Variants in CNTN2 observed in about 807,000 individuals in gnomAD.
The protein encoded by CNTN2 is contactin 2, also known as contactin-2.
CNTN2 carries 53 observed loss-of-function variants against 117.5 expected under a neutral mutation model. The observed-to-expected ratio is 0.45, with a 90% CI of 0.36 to 0.57. The LOEUF (loss-of-function observed/expected upper bound fraction) is 0.57, where lower values mean the gene tolerates loss of function less well. Ranked by LOEUF, CNTN2 falls within the 20% of genes least tolerant of loss-of-function variation. CNTN2 has a pLI of 0.00. For synonymous variants in CNTN2, 530 were observed against 561.7 expected (o/e 0.94, Z 0.80); for missense variants, 1,106 against 1,404.3 (o/e 0.79, Z 3.39).
chr1:205,059,478 C>T lies in CNTN2; in HGVS notation c.698-105C>T, dbSNP rs1209664912. 1 of 1,263,526 alleles carries T rather than the reference C, an allele frequency of 7.9e-7. No individual in the cohort carries two copies. Among genetic ancestry groups the T allele is most frequent in the Non-Finnish European group, 1.1e-6 (1 of 872,156 alleles). The allele number at this position is 1,263,526 out of a possible 1,614,324, so 78.3% of individuals were successfully genotyped here. ...CCCCAGGCCTCAAGGAGATTCCACA[C>T]AGCTGCCTAGACAGAGTTGGCTCTG... is the stretch of plus-strand genomic sequence containing the variant. On this transcript the variant is annotated intron_variant, in intron 6 of 22. Coordinates refer to ENST00000331830, the MANE Select transcript of CNTN2 (RefSeq NM_005076.5). The surrounding 1 kb of genome is among the most constrained non-coding windows in gnomAD (Gnocchi z 5.6).
intron 7 of CNTN2, chr1:205,060,989 G>C (rs1383784855): frequency 6.6e-6 from 3 of 455,682 alleles, no homozygotes; most frequent in African/African-American, 4.0e-5. Flanking sequence ...CCCCGCAGAA[G>C]CCCGGCTTCA....
chr1:205,051,129 C>G lies in CNTN2; in HGVS notation c.-86-1971C>G, dbSNP rs148330895. ...CTGGAGGCATATAATCACAGTTGTT[C>G]TTGACCAGTTAAATGCAACATACAA... is the stretch of plus-strand genomic sequence containing the variant. On this transcript the variant is annotated intron_variant, in intron 1 of 22. Coordinates refer to ENST00000331830, the MANE Select transcript of CNTN2 (RefSeq NM_005076.5). Among the ~76,000 whole-genome samples the G allele has an allele frequency of 4.3e-4, 66 of 152,340 alleles. 1 individual carries two copies. The East Asian group carries it at 0.012, about 28-fold the overall frequency.
chr1:205,066,290 C>A, intron 14 of CNTN2, 151 bp from the exon 15 acceptor site: 2 of 897,228 alleles, frequency 2.2e-6, no homozygotes, highest in Non-Finnish European at 3.3e-6. Flanking sequence ...TGCCCACACC[C>A]CTTGCCCGCC....
At position 205,059,001 on chromosome 1, in the gene CNTN2, C is replaced by A; in HGVS notation, c.488-83C>A. The A allele has an allele frequency of 7.9e-7, 1 of 1,264,072 alleles. No homozygotes were observed. Among genetic ancestry groups the A allele is most frequent in the Non-Finnish European group, 1.1e-6 (1 of 881,010 alleles). The allele number at this position is 1,264,072 out of a possible 1,614,324, so 78.3% of individuals were successfully genotyped here. Reference sequence around the variant, plus strand: ...GGCTGTCAGGACAGGGCTTGCAGAACCGCACCAGCATGCTGGGGTCCCACC... The same window carrying A: ...GGCTGTCAGGACAGGGCTTGCAGAAACGCACCAGCATGCTGGGGTCCCACC... On this transcript the variant is annotated intron_variant, in intron 5 of 22. Coordinates refer to ENST00000331830, the MANE Select transcript of CNTN2 (RefSeq NM_005076.5). The surrounding 1 kb of genome is among the most constrained non-coding windows in gnomAD (Gnocchi z 5.6).
chr1:205,055,933 A>C (rs949224125), intron 2 of CNTN2, among the ~76,000 whole-genome samples: 1 of 152,224 alleles, frequency 6.6e-6, no homozygotes, highest in African/African-American at 2.4e-5. Context: ...TATATATAAA[A>C]GTCTCCATGG....
At position 205,059,535 on chromosome 1, in the gene CNTN2, C is replaced by A. The variant is rs751387685; in HGVS notation, c.698-48C>A. The A allele has an allele frequency of 3.2e-6, 5 of 1,552,056 alleles. No individual in the cohort carries two copies. The South Asian group carries it at 5.6e-5, about 17-fold the overall frequency. On this transcript the variant is annotated intron_variant, in intron 6 of 22. Transcript: ENST00000331830. This position sits in a 1 kb window ranked among gnomAD's most constrained non-coding sequence, Gnocchi z 5.6. Reference sequence around the variant, plus strand: ...GCTGAGATCCCATGCACGGGAGCACCTGACCTGGAGTCATCTGCATCTGAT... The same window carrying A: ...GCTGAGATCCCATGCACGGGAGCACATGACCTGGAGTCATCTGCATCTGAT...
At chr1:205,070,332 C>T in intron 18 of CNTN2, 94 bp from the exon 19 acceptor site, 1 of 930,278 alleles carries the variant, frequency 1.1e-6, no homozygotes, top group Non-Finnish European at 1.6e-6. Context: ...GGCTTTCCTC[C>T]AAAATCTTAA....
intron 10 of CNTN2, chr1:205,063,521 C>G (rs950161141): frequency 6.6e-6 from 1 of 151,592 alleles, no homozygotes; most frequent in African/African-American, 2.4e-5. Flanking sequence ...CCCAGCTACA[C>G]AGGAGGCTGA....
In CNTN2 at chr1:205,062,000, A is replaced by G. The variant is rs1169856599; in HGVS notation, c.1109A>G (p.Gln370Arg). 1 of 1,613,148 alleles carries G rather than the reference A, an allele frequency of 6.2e-7. No individual in the cohort carries two copies. Among genetic ancestry groups the G allele is most frequent in the Non-Finnish European group, 8.5e-7 (1 of 1,179,748 alleles). The change falls in exon 9 of 23, where the codon CAG becomes CGG. Residue 370 changes from glutamine to arginine, a missense_variant and splice_region_variant. Coordinates refer to ENST00000331830, the MANE Select transcript of CNTN2 (RefSeq NM_005076.5). The surrounding 1 kb of genome is among the most constrained non-coding windows in gnomAD (Gnocchi z 4.8). ...CGGAACGGGGAGCCTCTGGCCTCCC[A>G]GGTAGGAGACATGGGGCTTCCCCCG... ...WLRNGEPLAS[Q>R]NRVEVLAGDL...
intron 16 of CNTN2, chr1:205,067,476 C>A (rs78273322): frequency 0.013 from 5,868 of 448,778 alleles, 59 homozygotes; most frequent in Non-Finnish European, 0.016. Flanking sequence ...AACCTTACAA[C>A]TGCATGTGCA....
intron 18 of CNTN2, 98 bp downstream of exon 18, chr1:205,070,159 A>C: frequency 1.6e-6 from 2 of 1,237,634 alleles, no homozygotes; most frequent in East Asian, 5.0e-5. Flanking sequence ...GCTCAGTTCC[A>C]TAGGAGGAGG....
intron 1 of CNTN2, among the ~76,000 whole-genome samples, chr1:205,052,291 G>A (rs1034652453): frequency 1.3e-5 from 2 of 152,198 alleles, no homozygotes; most frequent in Non-Finnish European, 2.9e-5. Context: ...CGGGGAGGCT[G>A]GCTCTGCCCC....
upstream of CNTN2, chr1:205,043,123 T>C (rs1048930546): frequency 6.6e-6 from 1 of 152,336 alleles, no homozygotes; most frequent in Admixed American, 6.5e-5. Flanking sequence ...GAGCGTTGGC[T>C]GAGGACCAGA....
In CNTN2 at chr1:205,061,520, G is replaced by A. The variant is rs1558544843; in HGVS notation, c.973+100G>A. 1 of 1,362,352 alleles carries A rather than the reference G, an allele frequency of 7.3e-7. No homozygotes were observed. The allele number at this position is 1,362,352 out of a possible 1,614,324, so 84.4% of individuals were successfully genotyped here. A position where few individuals can be genotyped will look rare whatever the true frequency, so the allele number is the denominator to read the frequency against. ...GACCCAAAAGTCAGGGAGGAGACTG[G>A]GAGGCCCCCTGCATGAGCCTGCTTG... On this transcript the variant is annotated intron_variant, in intron 8 of 22. Coordinates refer to ENST00000331830, the MANE Select transcript of CNTN2 (RefSeq NM_005076.5). This position sits in a 1 kb window ranked among gnomAD's most constrained non-coding sequence, Gnocchi z 4.8.
intron 10 of CNTN2, 163 bp downstream of exon 10, chr1:205,062,732 G>A (rs1167744721): frequency 2.6e-6 from 2 of 775,252 alleles, no homozygotes; most frequent in Non-Finnish European, 1.9e-6. Flanking sequence ...TTTAAGAAAG[G>A]AGATGAGACA....
At chr1:205,062,371 C>T in intron 9 of CNTN2, 69 bp from the exon 10 acceptor site, 5 of 1,545,754 alleles carry the variant, frequency 3.2e-6, no homozygotes, top group Non-Finnish European at 4.4e-6. Flanking sequence ...TGCTCCCACC[C>T]CTGCCAACCC....
intron 2 of CNTN2, among the ~76,000 whole-genome samples, chr1:205,056,597 G>A (rs753045635): frequency 9.9e-5 from 15 of 152,270 alleles, no homozygotes; most frequent in Middle Eastern, 3.4e-3. Flanking sequence ...GGCTGGATGC[G>A]CTGGGAAAGG....
Position 205,073,868 on chromosome 1 carries a change from G to A in CNTN2, c.*103G>A, listed in dbSNP as rs1275714755. On this transcript the variant is annotated 3_prime_UTR_variant, in exon 23 of 23. Transcript: ENST00000331830. The surrounding 1 kb of genome is among the most constrained non-coding windows in gnomAD (Gnocchi z 6.3). Reference sequence around the variant, plus strand: ...TGGCCTGACACTGTGCCAGAGAGTGGCTGGTTTTAAATACCTACTTTAAAC... The same window carrying A: ...TGGCCTGACACTGTGCCAGAGAGTGACTGGTTTTAAATACCTACTTTAAAC... 8 of 920,332 alleles carry A rather than the reference G, an allele frequency of 8.7e-6. No individual in the cohort carries two copies. The Admixed American group carries it at 1.6e-4, about 19-fold the overall frequency. 57.0% of individuals were successfully genotyped at this position (920,332 alleles called of 1,614,324 possible).
In CNTN2 at chr1:205,065,857, G is replaced by A; in HGVS notation, c.1764G>A (p.Met588Ile). The A allele has an allele frequency of 1.9e-6, 3 of 1,579,030 alleles. No individual in the cohort carries two copies. Among genetic ancestry groups the A allele is most frequent in the Non-Finnish European group, 2.6e-6 (3 of 1,155,322 alleles). ...QLRHGGKYTC[M>I]AQTVVDSASK... ...GCCATGGGGGGAAGTACACGTGCAT[G>A]GCCCAGACGGTGGTGGACAGCGCGT... Residue 588 changes from methionine (M) to isoleucine (I), a missense_variant, in exon 14 of 23, where the codon ATG (methionine) becomes ATA (isoleucine). Coordinates refer to ENST00000331830, the MANE Select transcript of CNTN2 (RefSeq NM_005076.5). This position sits in a 1 kb window ranked among gnomAD's most constrained non-coding sequence, Gnocchi z 4.1.
Sources: gnomAD v4.1 joint callset for allele counts (sites outside exome capture counted in the v4.1 genomes callset) on GRCh38, gnomAD v4.1.1 for gene constraint, Gnocchi (gnomAD v3.1) non-coding constraint, MANE v1.5 for transcripts, NCBI Gene and HGNC (gene_info 2026-07-23, HGNC 2026-07-21) for gene names.